LMNTD1: variants seen among roughly 807,000 people sequenced by gnomAD.
LMNTD1 encodes the protein lamin tail domain-containing protein 1.
LMNTD1 carries 35 observed loss-of-function variants against 50.9 expected under a neutral mutation model. The ratio of observed to expected loss-of-function variants is 0.69; its 90% CI spans 0.53 to 0.91. LMNTD1 has a LOEUF of 0.91. Among genes scored for constraint, LMNTD1 ranks in the 40% least tolerant of loss-of-function variants. The pLI is 0.00. For missense variants in LMNTD1, 470 were observed against 475.5 expected, an observed-to-expected ratio of 0.99 and a Z score of 0.11; for synonymous variants, 153 against 161.9, an observed-to-expected ratio of 0.94 and a Z score of 0.42.
At chr12:25,604,852 C>T (rs149453162) in intron 1 of LMNTD1, among the ~76,000 whole-genome samples, 1,780 of 152,052 alleles carry the variant, frequency 0.012, 16 homozygotes, top group Non-Finnish European at 0.016. Flanking sequence ...TAATCCTTTG[C>T]GTATATACCC....
chr12:25,599,431 G>A (rs529081839), intron 1 of LMNTD1, among the ~76,000 whole-genome samples: 1 of 152,070 alleles, frequency 6.6e-6, no homozygotes, highest in South Asian at 2.1e-4. Flanking sequence ...ATTTAACATA[G>A]TACTGGAAGT....
intron 3 of LMNTD1, 60 bp downstream of exon 3, chr12:25,549,266 A>G: frequency 8.0e-6 from 7 of 870,970 alleles, no homozygotes; most frequent in Non-Finnish European, 1.3e-5. Context: ...CATATATGCA[A>G]TCTATTGAAA....
At chr12:25,560,946 G>T (rs978435203) in intron 1 of LMNTD1, among the ~76,000 whole-genome samples, 1 of 152,144 alleles carries the variant, frequency 6.6e-6, no homozygotes, top group Non-Finnish European at 1.5e-5. Context: ...AGATGATGGG[G>T]TTTTCTAAAT....
intron 9 of LMNTD1, among the ~76,000 whole-genome samples, chr12:25,488,594 CAG>C (rs1420108898): frequency 6.6e-6 from 1 of 150,646 alleles, no homozygotes; most frequent in African/African-American, 2.4e-5. Context: ...TCCCATAGCT[CAG>C]AGTAATTTGA....
chr12:25,623,832 C>A (rs1010698441), intron 1 of LMNTD1, among the ~76,000 whole-genome samples: 1 of 152,284 alleles, frequency 6.6e-6, no homozygotes, highest in East Asian at 1.9e-4. Context: ...TCTTATATCA[C>A]CTGCCTCCTT....
chr12:25,501,115 G>A (rs368210572), intron 9 of LMNTD1, among the ~76,000 whole-genome samples: 3 of 152,174 alleles, frequency 2.0e-5, no homozygotes, highest in East Asian at 3.9e-4. Flanking sequence ...TCAGCCTCTC[G>A]AGTAGCTGGG....
chr12:25,554,192 C>A (rs114322867), upstream of LMNTD1, among the ~76,000 whole-genome samples: 1,466 of 152,270 alleles, frequency 9.6e-3, 22 homozygotes, highest in African/African-American at 0.034. Context: ...TTTTTACTTA[C>A]GCTTAGTAAA....
chr12:25,606,000 T>C (rs1417707441), intron 1 of LMNTD1, among the ~76,000 whole-genome samples: 2 of 152,226 alleles, frequency 1.3e-5, no homozygotes, highest in Non-Finnish European at 2.9e-5. Context: ...GTATCCTCTT[T>C]TATTTCATTG....
At chr12:25,612,978 G>A (rs1358851962) in intron 1 of LMNTD1, among the ~76,000 whole-genome samples, 1 of 152,178 alleles carries the variant, frequency 6.6e-6, no homozygotes, top group Non-Finnish European at 1.5e-5. Context: ...AGAAGGCAAT[G>A]GGATGATGGC....
intron 1 of LMNTD1, among the ~76,000 whole-genome samples, chr12:25,597,714 T>C (rs747404675): frequency 2.0e-5 from 3 of 152,324 alleles, no homozygotes; most frequent in Non-Finnish European, 4.4e-5. Context: ...CTTCAGCACA[T>C]GGATCATTCT....
intron 9 of LMNTD1, among the ~76,000 whole-genome samples, chr12:25,490,198 C>A (rs955393711): frequency 1.3e-5 from 2 of 152,144 alleles, no homozygotes; most frequent in African/African-American, 4.8e-5. Flanking sequence ...GCAAACAAAC[C>A]TACAGCTAGC....
At chr12:25,582,364 T>C (rs747525925) in intron 1 of LMNTD1, 1 of 152,216 alleles carries the variant, frequency 6.6e-6, no homozygotes, top group Non-Finnish European at 1.5e-5. Context: ...TTAAATTAAA[T>C]CAGCTGTTAT....
At chr12:25,607,638 G>C (rs1946143820) in intron 1 of LMNTD1, among the ~76,000 whole-genome samples, 1 of 152,178 alleles carries the variant, frequency 6.6e-6, no homozygotes, top group Non-Finnish European at 1.5e-5. Flanking sequence ...ATGTAGTTGA[G>C]CGGTTTTGAG....
chr12:25,526,233 T>C lies in LMNTD1; in HGVS notation c.679-15A>G. On this transcript the variant is annotated splice_polypyrimidine_tract_variant and intron_variant, in intron 5 of 9. Coordinates refer to ENST00000458174, the MANE Select transcript of LMNTD1 (RefSeq NM_001145728.2). ...GCTGCCCACACCTGTAATAAAATTG[T>C]TAATGACAAATGCCACTGGAGTTGA... 1 of 1,603,358 alleles carries C rather than the reference T, an allele frequency of 6.2e-7. No individual in the cohort carries two copies. Among genetic ancestry groups the C allele is most frequent in the South Asian group, 1.1e-5 (1 of 88,972 alleles).
intron 1 of LMNTD1, among the ~76,000 whole-genome samples, chr12:25,628,539 T>C (rs566620989): frequency 3.3e-5 from 5 of 152,186 alleles, no homozygotes; most frequent in Non-Finnish European, 7.3e-5. Context: ...AATGGTACCT[T>C]ATATGGCAAG....
intron 1 of LMNTD1, among the ~76,000 whole-genome samples, chr12:25,618,319 A>T (rs1946390651): frequency 6.6e-6 from 1 of 152,166 alleles, no homozygotes; most frequent in Non-Finnish European, 1.5e-5. Context: ...GAGAGCAGGC[A>T]TCAATCTTCT....
chr12:25,585,205 G>T (rs540625384), intron 1 of LMNTD1, among the ~76,000 whole-genome samples: 1 of 152,080 alleles, frequency 6.6e-6, no homozygotes, highest in South Asian at 2.1e-4. Context: ...CTTCATAAAG[G>T]CTCACCCTCA....
intron 4 of LMNTD1, among the ~76,000 whole-genome samples, chr12:25,536,151 CT>C (rs1460537372): frequency 6.6e-6 from 1 of 152,064 alleles, no homozygotes; most frequent in Admixed American, 6.5e-5. Flanking sequence ...ATTAATACCC[CT>C]CTCTCAATAA....
intron 1 of LMNTD1, among the ~76,000 whole-genome samples, chr12:25,598,372 T>A (rs761018304): frequency 1.4e-4 from 22 of 151,892 alleles, no homozygotes; most frequent in African/African-American, 5.3e-4. Flanking sequence ...AAGAGGGACC[T>A]TTTTAGCTAT....
Sources: allele counts gnomAD v4.1 joint callset (sites outside exome capture counted in the v4.1 genomes callset), GRCh38; gene constraint gnomAD v4.1.1; transcripts MANE v1.5; gene names NCBI Gene and HGNC (gene_info 2026-07-23, HGNC 2026-07-21).